Variants in FAM111B observed in about 807,000 individuals in gnomAD.
FAM111B encodes the protein serine protease FAM111B.
Under a neutral mutation model 2.8 loss-of-function variants are expected in FAM111B, and 1 was observed. That is an observed-to-expected ratio of 0.36 (90% CI 0.13 to 1.70). The LOEUF (loss-of-function observed/expected upper bound fraction) is 1.70, where lower values mean the gene tolerates loss of function less well. Ranked by LOEUF, FAM111B falls within the 40% of genes most tolerant of loss-of-function variation. The probability of loss-of-function intolerance (pLI) is 0.35; values close to 1 mark genes in which losing one functional copy is unlikely to be tolerated. For missense variants in FAM111B, 882 were observed against 878.9 expected, an observed-to-expected ratio of 1.00 and a Z score of -0.04; for synonymous variants, 297 against 295.6, an observed-to-expected ratio of 1.00 and a Z score of -0.05.
At chr11:59,116,427 C>T (rs2135398985) in intron 3 of FAM111B, among the ~76,000 whole-genome samples, 1 of 152,338 alleles carries the variant, frequency 6.6e-6, no homozygotes, top group African/African-American at 2.4e-5. Flanking sequence ...CACTCCCCTC[C>T]TGGTAAGGTG....
chr11:59,111,315 G>T (rs1377193770), intron 3 of FAM111B, among the ~76,000 whole-genome samples: 1 of 152,152 alleles, frequency 6.6e-6, no homozygotes, highest in Non-Finnish European at 1.5e-5. Context: ...TACGTGTATG[G>T]CTCCTAAAAA....
intron 1 of FAM111B, among the ~76,000 whole-genome samples, 198 bp downstream of exon 1, chr11:59,107,494 C>A (rs182236559): frequency 6.6e-6 from 1 of 152,210 alleles, no homozygotes; most frequent in Non-Finnish European, 1.5e-5. Flanking sequence ...ACTTAGAGAT[C>A]ATCTGGGTGT....
chr11:59,120,851 G>A (rs1019678839), intron 3 of FAM111B, among the ~76,000 whole-genome samples: 6 of 152,264 alleles, frequency 3.9e-5, no homozygotes, highest in East Asian at 3.9e-4. Flanking sequence ...GGACTGTAAT[G>A]TGAATTTTGA....
intron 3 of FAM111B, among the ~76,000 whole-genome samples, chr11:59,123,489 G>T (rs1181260619): frequency 1.3e-5 from 2 of 152,144 alleles, no homozygotes; most frequent in Non-Finnish European, 1.5e-5. Flanking sequence ...CTCAGTTGCG[G>T]TATTTCCACT....
intron 3 of FAM111B, among the ~76,000 whole-genome samples, chr11:59,116,503 G>C (rs374579920): frequency 1.1e-3 from 168 of 152,314 alleles, no homozygotes; most frequent in African/African-American, 3.7e-3. Flanking sequence ...ACATTCAAAA[G>C]AGCCAGGTCC....
rs947364937 is a variant in FAM111B at position 59,124,619 on chromosome 11, C to T, written c.522C>T (p.Arg174=). ...KSSKEDGHIL[R]QCENPNMECI... is the part of the protein sequence containing the mutation. ...GCAAAGAAGATGGACACATATTACG[C>T]CAATGTGAAAATCCAAACATGGAAT... The change falls in exon 4 of 4, where the codon CGC becomes CGT. Residue 174 remains arginine (R), a synonymous_variant. Coordinates refer to ENST00000343597, the MANE Select transcript of FAM111B (RefSeq NM_198947.4). The T allele has an allele frequency of 3.1e-6, 5 of 1,613,660 alleles. No homozygotes were observed. The highest frequency in any genetic ancestry group is 1.6e-4 in the Middle Eastern group (1 of 6,082).
chr11:59,121,821 C>T (rs1001949146), intron 3 of FAM111B, among the ~76,000 whole-genome samples: 21 of 152,152 alleles, frequency 1.4e-4, no homozygotes, highest in Non-Finnish European at 2.1e-4. Flanking sequence ...AAAATGGATA[C>T]AGAATTTCAT....
intron 3 of FAM111B, among the ~76,000 whole-genome samples, chr11:59,116,068 A>ATGC (rs994514334): frequency 2.6e-5 from 4 of 152,178 alleles, no homozygotes; most frequent in Admixed American, 2.0e-4. Context: ...CACTTTGGGA[A>ATGC]TGCTGTGAAT....
chr11:59,114,483 G>C (rs558713050), intron 3 of FAM111B, among the ~76,000 whole-genome samples: 1 of 152,304 alleles, frequency 6.6e-6, no homozygotes, highest in South Asian at 2.1e-4. Flanking sequence ...TGAAGGAAAA[G>C]AGAGATGGAG....
intron 3 of FAM111B, among the ~76,000 whole-genome samples, chr11:59,121,389 C>G (rs2135401831): frequency 6.6e-6 from 1 of 152,268 alleles, no homozygotes; most frequent in Non-Finnish European, 1.5e-5. Flanking sequence ...TTTAAACCCT[C>G]AGTAAGATGC....
chr11:59,111,162 A>G (rs1859752618), intron 3 of FAM111B, among the ~76,000 whole-genome samples: 1 of 152,108 alleles, frequency 6.6e-6, no homozygotes, highest in South Asian at 2.1e-4. Flanking sequence ...CTCTCCCTAT[A>G]ATGAGTCTAT....
At position 59,126,432 on chromosome 11, in the gene FAM111B, A is replaced by G. The variant is rs960809885; in HGVS notation, c.*130A>G. The stretch of plus-strand genomic sequence containing the variant: ...GACCTAATTAAATCTTCTGCACAGC[A>G]AAAGAAACTATCAACAGGGTAAACA... On this transcript the variant is annotated 3_prime_UTR_variant, in exon 4 of 4. Transcript: ENST00000343597. 1.3e-5 allele frequency: 9 copies of G among 670,636 alleles called. No individual in the cohort carries two copies. The highest frequency in any genetic ancestry group is 6.9e-5 in the Admixed American group (2 of 28,968). 41.5% of individuals were successfully genotyped at this position (670,636 alleles called of 1,614,324 possible).
intron 3 of FAM111B, among the ~76,000 whole-genome samples, chr11:59,116,373 G>T (rs1365188567): frequency 1.3e-5 from 2 of 152,192 alleles, no homozygotes; most frequent in Non-Finnish European, 2.9e-5. Flanking sequence ...TACAGTGAGT[G>T]CAGATTACCC....
intron 3 of FAM111B, among the ~76,000 whole-genome samples, chr11:59,110,555 A>G (rs1859742235): frequency 6.6e-6 from 1 of 152,204 alleles, no homozygotes; most frequent in Admixed American, 6.5e-5. Context: ...TGTTCTAATT[A>G]CAAAAATAAT....
At position 59,125,164 on chromosome 11, in the gene FAM111B, A is replaced by AG. The variant is rs1859999603; in HGVS notation, c.1067_1068insG (p.Tyr357IlefsTer2). ...TATTACTTTTGTAGTTTGCCCCGAA[A>AG]ATATAGGCAAATAAACTCACAAGTT... On this transcript the variant is annotated frameshift_variant, in exon 4 of 4. Transcript: ENST00000343597. LOFTEE classifies it low-confidence loss of function (END_TRUNC). 1.2e-6 allele frequency: 2 copies of AG among 1,613,936 alleles called. No homozygotes were observed. Among genetic ancestry groups the AG allele is most frequent in the African/African-American group, 2.7e-5 (2 of 75,022 alleles).
Position 59,125,511 on chromosome 11 carries a change from A to G in FAM111B, c.1414A>G (p.Thr472Ala). The G allele has an allele frequency of 6.2e-7, 1 of 1,613,996 alleles. No individual in the cohort carries two copies. The highest frequency in any genetic ancestry group is 8.5e-7 in the Non-Finnish European group (1 of 1,179,850). Residue 472 changes from threonine (T) to alanine (A), a missense_variant, in exon 4 of 4, where the codon ACA (threonine) becomes GCA (alanine). Physicochemically the swap from Thr to Ala is moderately conservative, Grantham distance 58 (BLOSUM62 0). Transcript: ENST00000343597. ...CATGCAATGGGACAATAATGGAAAC[A>G]CAGGTAATGCTACTTGCTTTGTCTT... is the stretch of plus-strand genomic sequence containing the variant. Reference protein sequence around the residue: ...GFMQWDNNGNTGNATCFVFNG... With the variant: ...GFMQWDNNGNAGNATCFVFNG...
intron 3 of FAM111B, among the ~76,000 whole-genome samples, chr11:59,110,453 A>G (rs1388760157): frequency 5.9e-5 from 9 of 152,274 alleles, no homozygotes; most frequent in Admixed American, 4.6e-4. Context: ...CAAGGTGAAT[A>G]AGTTCTAGGG....
intron 3 of FAM111B, among the ~76,000 whole-genome samples, chr11:59,115,748 C>G (rs963071402): frequency 6.6e-6 from 1 of 152,126 alleles, no homozygotes; most frequent in Non-Finnish European, 1.5e-5. Flanking sequence ...TAAGCCCCTC[C>G]CTGGGTGGGG....
Position 59,125,699 on chromosome 11 carries a change from A to G in FAM111B, c.1602A>G (p.Pro534=). The change falls in exon 4 of 4, where the codon CCA becomes CCG. Residue 534 remains proline (P), a synonymous_variant. Coordinates refer to ENST00000343597, the MANE Select transcript of FAM111B (RefSeq NM_198947.4). ...PTPDNWFSIE[P]WLKVSNENLD... is the part of the protein sequence containing the mutation. The stretch of plus-strand genomic sequence containing the variant: ...CTGACAATTGGTTTTCCATTGAGCC[A>G]TGGCTTAAAGTGTCCAATGAAAATC... 6.2e-7 allele frequency: 1 copy of G among 1,613,890 alleles called. No homozygotes were observed. Among genetic ancestry groups the G allele is most frequent in the Non-Finnish European group, 8.5e-7 (1 of 1,179,824 alleles).
Sources: gnomAD v4.1 joint callset for allele counts (sites outside exome capture counted in the v4.1 genomes callset) on GRCh38, gnomAD v4.1.1 for gene constraint, MANE v1.5 for transcripts, NCBI Gene and HGNC (gene_info 2026-07-23, HGNC 2026-07-21) for gene names.